RBFOX1: variants seen among roughly 807,000 people sequenced by gnomAD.
RBFOX1 encodes RNA binding protein fox-1 homolog 1.
Under a neutral mutation model 57.7 loss-of-function variants are expected in RBFOX1, and 8 were observed. The ratio of observed to expected loss-of-function variants is 0.14; its 90% CI spans 0.08 to 0.25. RBFOX1 has a LOEUF of 0.25. Among genes scored for constraint, RBFOX1 ranks in the 10% least tolerant of loss-of-function variants. The pLI is 1.00. For synonymous variants in RBFOX1, 326 were observed against 222.4 expected (o/e 1.47, Z -4.15); for missense variants, 611 against 548.5 (o/e 1.11, Z -1.14).
At chr16:6,767,267 C>G (rs971504420) in intron 3 of RBFOX1, among the ~76,000 whole-genome samples, 1 of 152,048 alleles carries the variant, frequency 6.6e-6, no homozygotes, top group Non-Finnish European at 1.5e-5. Context: ...GCTCAAGTCT[C>G]TCCAAGGAGA....
rs138622250 is a variant in RBFOX1 at position 5,698,164 on chromosome 16, G to T, written c.318+99203G>T. ...TGCTTTATTTGAGATTTTTACATCT[G>T]TGTTGATAAGTGAGAATGGTTTATA... On this transcript the variant is annotated intron_variant, in intron 3 of 19. Transcript: ENST00000641259. Among the ~76,000 whole-genome samples the T allele has an allele frequency of 2.6e-5, 4 of 152,236 alleles. No individual in the cohort carries two copies. In the East Asian group the frequency reaches 7.7e-4, roughly 29 times the overall value.
At chr16:5,758,112 G>A (rs946881590) in intron 3 of RBFOX1, among the ~76,000 whole-genome samples, 2 of 152,126 alleles carry the variant, frequency 1.3e-5, no homozygotes, top group African/African-American at 4.8e-5. Context: ...ATATGTGTGG[G>A]GGCACAGAGC....
intron 3 of RBFOX1, among the ~76,000 whole-genome samples, chr16:7,045,564 CT>C (rs2047626855): frequency 6.6e-6 from 1 of 152,148 alleles, no homozygotes; most frequent in Non-Finnish European, 1.5e-5. Context: ...CCCCTGGTTC[CT>C]TCAGTGTCGT....
intron 1 of RBFOX1, among the ~76,000 whole-genome samples, chr16:5,263,265 A>G (rs973240945): frequency 7.2e-5 from 11 of 152,124 alleles, no homozygotes; most frequent in African/African-American, 2.7e-4. Context: ...GAGAAAAGAT[A>G]CTTAACTGGT....
intron 2 of RBFOX1, among the ~76,000 whole-genome samples, chr16:6,464,036 ATT>A: frequency 1.3e-5 from 2 of 152,210 alleles, no homozygotes; most frequent in Non-Finnish European, 2.9e-5. Flanking sequence ...ACTGTTCCTG[ATT>A]AATGTGAATC....
chr16:5,548,538 G>A (rs1356842196), intron 2 of RBFOX1, among the ~76,000 whole-genome samples: 1 of 152,006 alleles, frequency 6.6e-6, no homozygotes, highest in Non-Finnish European at 1.5e-5. Flanking sequence ...GAGGATAAAT[G>A]CTTGAGGGGA....
At chr16:7,185,792 G>A (rs1455291781) in intron 4 of RBFOX1, among the ~76,000 whole-genome samples, 1 of 152,184 alleles carries the variant, frequency 6.6e-6, no homozygotes, top group African/African-American at 2.4e-5. Context: ...ACTGGCATAT[G>A]AAGATCTGAG....
At chr16:6,445,439 C>G (rs2094464931) in intron 2 of RBFOX1, among the ~76,000 whole-genome samples, 1 of 151,702 alleles carries the variant, frequency 6.6e-6, no homozygotes, top group African/African-American at 2.4e-5. Context: ...GCGTTGAGAT[C>G]AACAATGTGG....
Position 5,429,214 on chromosome 16 carries a change from C to G in RBFOX1, c.220-38002C>G, listed in dbSNP as rs568159872. Among the ~76,000 whole-genome samples the G allele has an allele frequency of 1.2e-3, 189 of 152,296 alleles. 2 individuals carry two copies. The highest frequency in any genetic ancestry group is 4.5e-3 in the African/African-American group (185 of 41,554). On this transcript the variant is annotated intron_variant, in intron 1 of 2. Transcript: ENST00000585867. ...CATAATGATCTATCCACAGTAATCT[C>G]TTTGCTTAAGCCAGTGACTCGGAGT... is the stretch of plus-strand genomic sequence containing the variant.
intron 2 of RBFOX1, among the ~76,000 whole-genome samples, chr16:6,576,029 C>G (rs910390451): frequency 6.6e-6 from 1 of 152,008 alleles, no homozygotes; most frequent in Non-Finnish European, 1.5e-5. Flanking sequence ...AGCACCTCCC[C>G]CCATCACACA....
chr16:6,968,206 G>A (rs1360963232), intron 3 of RBFOX1, among the ~76,000 whole-genome samples: 1 of 152,200 alleles, frequency 6.6e-6, no homozygotes, highest in Non-Finnish European at 1.5e-5. Flanking sequence ...TCAGTTCAGA[G>A]TGACTGACAG....
chr16:6,926,153 A>G (rs2075544202), intron 3 of RBFOX1, among the ~76,000 whole-genome samples: 1 of 151,970 alleles, frequency 6.6e-6, no homozygotes, highest in Non-Finnish European at 1.5e-5. Flanking sequence ...TAAAAATACA[A>G]AAAACTAGCT....
In RBFOX1 at chr16:6,566,411, G is replaced by A. The variant is rs568450461; in HGVS notation, c.-63-88192G>A. On this transcript the variant is annotated intron_variant, in intron 2 of 15. Transcript: ENST00000550418. ...ACTTTTAGGAATTTTGTGGCTAGACGTAGGGACCTCCATTTGATTTTTTTT... is the reference window on the plus strand; with the variant it reads ...ACTTTTAGGAATTTTGTGGCTAGACATAGGGACCTCCATTTGATTTTTTTT... Among the ~76,000 whole-genome samples the A allele has an allele frequency of 5.9e-5, 9 of 152,228 alleles. No homozygotes were observed. In the East Asian group the frequency reaches 7.7e-4, roughly 13 times the overall value.
At chr16:7,708,181 T>A (rs2083122492) in intron 14 of RBFOX1, among the ~76,000 whole-genome samples, 1 of 151,830 alleles carries the variant, frequency 6.6e-6, no homozygotes, top group South Asian at 2.1e-4. Flanking sequence ...TCCCCCCTCA[T>A]AAAAAATCAA....
chr16:5,935,143 A>C (rs906813655), intron 4 of RBFOX1, among the ~76,000 whole-genome samples: 1 of 152,172 alleles, frequency 6.6e-6, no homozygotes, highest in African/African-American at 2.4e-5. Context: ...GCTTGTGTCT[A>C]TTTCCTATAA....
chr16:7,098,258 C>A (rs1432647646), intron 4 of RBFOX1, among the ~76,000 whole-genome samples: 2 of 152,208 alleles, frequency 1.3e-5, no homozygotes, highest in Non-Finnish European at 2.9e-5. Context: ...CAACCTCCGC[C>A]TTCCTGGTTC....
chr16:6,192,255 A>G (rs930337454), intron 1 of RBFOX1, among the ~76,000 whole-genome samples: 15 of 152,014 alleles, frequency 9.9e-5, no homozygotes, highest in African/African-American at 3.6e-4. Flanking sequence ...ATTCTACCCT[A>G]TTATCTGTAG....
At chr16:5,654,003 G>A (rs1012008522) in intron 3 of RBFOX1, among the ~76,000 whole-genome samples, 3 of 152,180 alleles carry the variant, frequency 2.0e-5, no homozygotes, top group Non-Finnish European at 4.4e-5. Flanking sequence ...GTGGGCAGGC[G>A]GGGCCCAGCT....
intron 3 of RBFOX1, among the ~76,000 whole-genome samples, chr16:6,741,638 C>T (rs184616992): frequency 4.7e-5 from 7 of 150,148 alleles, no homozygotes; most frequent in African/African-American, 1.7e-4. Context: ...CACTGCACTC[C>T]AGCCTGGGCG....
Sources: allele counts gnomAD v4.1 joint callset (sites outside exome capture counted in the v4.1 genomes callset), GRCh38; gene constraint gnomAD v4.1.1; transcripts MANE v1.5; gene names NCBI Gene and HGNC (gene_info 2026-07-23, HGNC 2026-07-21).